STAP2: variants seen among roughly 807,000 people sequenced by gnomAD.
The protein encoded by STAP2 is signal-transducing adaptor protein 2.
STAP2 carries 58 observed loss-of-function variants against 52.7 expected under a neutral mutation model. The ratio of observed to expected loss-of-function variants is 1.10; its 90% CI spans 0.89 to 1.37. The LOEUF is 1.37. STAP2 is among the 40% of genes most tolerant of loss of function. The probability of loss-of-function intolerance (pLI) is 0.00; values close to 1 mark genes in which losing one functional copy is unlikely to be tolerated. For synonymous variants in STAP2, 231 were observed against 210.5 expected, an observed-to-expected ratio of 1.10 and a Z score of -0.84; for missense variants, 522 against 519.4, an observed-to-expected ratio of 1.00 and a Z score of -0.05.
intron 1 of STAP2, among the ~76,000 whole-genome samples, chr19:4,335,543 C>CG (rs765618757): frequency 7.2e-5 from 11 of 152,190 alleles, no homozygotes; most frequent in Non-Finnish European, 1.6e-4. Context: ...ATCCCCCCAT[C>CG]TACCCATCCA....
chr19:4,326,077 G>A (rs1971788299), intron 9 of STAP2, among the ~76,000 whole-genome samples: 1 of 152,182 alleles, frequency 6.6e-6, no homozygotes, highest in Admixed American at 6.5e-5. Flanking sequence ...ATACGTGTGT[G>A]ACTGCACGCC....
At position 4,332,007 on chromosome 19, in the gene STAP2, A is replaced by G; in HGVS notation, c.354+15T>C. 6.2e-7 allele frequency: 1 copy of G among 1,610,210 alleles called. No homozygotes were observed. The highest frequency in any genetic ancestry group is 1.7e-4 in the Middle Eastern group (1 of 6,058). On this transcript the variant is annotated intron_variant, in intron 4 of 12. Coordinates refer to ENST00000594605, the MANE Select transcript of STAP2 (RefSeq NM_001013841.2). ...GGAGAATGGGAGAGAGGGCGCAGAG[A>G]GCCACTACTCTTACCTCCACCACCG...
At chr19:4,332,310 C>T (rs1042399571) in intron 3 of STAP2, among the ~76,000 whole-genome samples, 2 of 145,344 alleles carry the variant, frequency 1.4e-5, no homozygotes, top group South Asian at 2.2e-4. Context: ...CAGGTTCAAG[C>T]GATTCTCCTG....
chr19:4,331,378 A>T (rs1971887548), intron 4 of STAP2, among the ~76,000 whole-genome samples: 1 of 150,456 alleles, frequency 6.6e-6, no homozygotes, highest in Non-Finnish European at 1.5e-5. Flanking sequence ...CACGCCTGTA[A>T]TCCCAGCACT....
intron 12 of STAP2, 43 bp downstream of exon 12, chr19:4,324,412 C>A: frequency 6.7e-7 from 1 of 1,499,254 alleles, no homozygotes; most frequent in East Asian, 2.4e-5. Context: ...TACGGTCACA[C>A]ACCTGGGAAG....
chr19:4,331,741 G>C (rs776613224), intron 4 of STAP2, among the ~76,000 whole-genome samples: 26 of 151,674 alleles, frequency 1.7e-4, no homozygotes, highest in Non-Finnish European at 2.5e-4. Context: ...GACCATCCTG[G>C]CTAACACAGT....
chr19:4,328,923 A>C (rs971967051), intron 5 of STAP2, 114 bp from the exon 6 acceptor site: 12 of 1,421,080 alleles, frequency 8.4e-6, no homozygotes, highest in African/African-American at 4.3e-5. Flanking sequence ...GGCCCAGGAG[A>C]CCCTGCCCTG....
In STAP2 at chr19:4,334,072, G is replaced by T. The variant is rs374864818; in HGVS notation, c.103-28C>A. The T allele has an allele frequency of 1.7e-4, 271 of 1,596,168 alleles. No homozygotes were observed. The African/African-American group carries it at 3.3e-3, about 20-fold the overall frequency. ...AGGGACCAGAAGTGCAGAAAGAAGA[G>T]GTGAGCTGGCCAAGCTGAGTGCCTT... On this transcript the variant is annotated intron_variant, in intron 1 of 12. Transcript: ENST00000594605.
In STAP2 at chr19:4,327,404, A is replaced by G; in HGVS notation, c.591-19T>C. The G allele has an allele frequency of 6.2e-7, 1 of 1,613,860 alleles. No homozygotes were observed. Among genetic ancestry groups the G allele is most frequent in the Non-Finnish European group, 8.5e-7 (1 of 1,179,848 alleles). On this transcript the variant is annotated intron_variant, in intron 6 of 12. Transcript: ENST00000594605. The stretch of plus-strand genomic sequence containing the variant: ...GTGCGTCCTGCACCAGGAGAAAGCG[A>G]GTGAGTGGCTCAGCCCAGGCTCCCA...
chr19:4,336,475 G>A (rs1432328815), intron 1 of STAP2, among the ~76,000 whole-genome samples: 6 of 149,064 alleles, frequency 4.0e-5, no homozygotes, highest in East Asian at 4.0e-4. Context: ...ACACCACCAC[G>A]CCCAGCTATT....
intron 3 of STAP2, among the ~76,000 whole-genome samples, 178 bp downstream of exon 3, chr19:4,333,516 A>C (rs1275617631): frequency 6.6e-6 from 1 of 152,190 alleles, no homozygotes; most frequent in Admixed American, 6.5e-5. Context: ...TAATAAAATA[A>C]AATAAAATAA....
chr19:4,326,847 T>G (rs906595718), intron 9 of STAP2, 95 bp downstream of exon 9: 14 of 1,437,940 alleles, frequency 9.7e-6, no homozygotes, highest in Admixed American at 5.9e-5. Context: ...GAACATCAGA[T>G]GCAGGAGGTG....
At chr19:4,327,289 T>C (rs776193640) in intron 7 of STAP2, 27 bp downstream of exon 7, 3 of 1,614,124 alleles carry the variant, frequency 1.9e-6, no homozygotes, top group Non-Finnish European at 2.5e-6. Flanking sequence ...ACAAAGTCAC[T>C]TCTAGGGACT....
At chr19:4,329,468 T>G (rs1390940989) in intron 5 of STAP2, among the ~76,000 whole-genome samples, 2 of 151,852 alleles carry the variant, frequency 1.3e-5, no homozygotes, top group Non-Finnish European at 2.9e-5. Context: ...CCCTGCCTCG[T>G]AGGCACCTAG....
chr19:4,336,467 A>G (rs1013190209), intron 1 of STAP2, among the ~76,000 whole-genome samples: 1 of 149,082 alleles, frequency 6.7e-6, no homozygotes, highest in African/African-American at 2.5e-5. Flanking sequence ...ACAGGTGCAC[A>G]CCACCACGCC....
chr19:4,332,196 CTTTTTTT>C (rs58828365), intron 3 of STAP2, 118 bp from the exon 4 acceptor site: 133 of 240,634 alleles, frequency 5.5e-4, no homozygotes, highest in Middle Eastern at 3.0e-3. Context: ...TCTTTTTCTT[CTTTTTTT>C]TTTTTTTTTT....
intron 1 of STAP2, among the ~76,000 whole-genome samples, chr19:4,335,637 T>C (rs1262142898): frequency 3.3e-5 from 5 of 152,204 alleles, no homozygotes; most frequent in African/African-American, 1.2e-4. Context: ...CCAGCCCTGC[T>C]CCAGGCACTG....
intron 5 of STAP2, 71 bp from the exon 6 acceptor site, chr19:4,328,880 T>G (rs1971842589): frequency 6.4e-7 from 1 of 1,554,264 alleles, no homozygotes; most frequent in East Asian, 2.3e-5. Flanking sequence ...AAACCCTGCC[T>G]CCTCTGAGAC....
intron 4 of STAP2, among the ~76,000 whole-genome samples, chr19:4,330,678 C>G (rs933957072): frequency 2.7e-5 from 4 of 149,680 alleles, no homozygotes; most frequent in African/African-American, 9.8e-5. Context: ...GGAAGGTAGA[C>G]TAAAATTCCC....
Sources: allele counts gnomAD v4.1 joint callset (sites outside exome capture counted in the v4.1 genomes callset), GRCh38; gene constraint gnomAD v4.1.1; transcripts MANE v1.5; gene names NCBI Gene and HGNC (gene_info 2026-07-23, HGNC 2026-07-21).